ARHGAP24: variants seen among roughly 807,000 people sequenced by gnomAD.
ARHGAP24 encodes the protein Rho GTPase activating protein 24.
A neutral mutation model predicts 76.4 loss-of-function variants in ARHGAP24; 50 were observed. That is an observed-to-expected ratio of 0.65 (90% CI 0.52 to 0.83). The LOEUF is 0.83. ARHGAP24 is among the 40% of genes least tolerant of loss of function. The pLI, the probability that ARHGAP24 is intolerant of heterozygous loss-of-function variation, is 0.00. For synonymous variants in ARHGAP24, 345 were observed against 323.3 expected (o/e 1.07, Z -0.72); for missense variants, 930 against 914.2 (o/e 1.02, Z -0.22).
chr4:85,873,628 G>C (rs1732664545), intron 3 of ARHGAP24, among the ~76,000 whole-genome samples: 1 of 152,188 alleles, frequency 6.6e-6, no homozygotes, highest in Non-Finnish European at 1.5e-5. Context: ...CCCCGTTCTT[G>C]TCTGCTGCAT....
At chr4:85,628,141 G>A (rs936299680) in intron 2 of ARHGAP24, among the ~76,000 whole-genome samples, 1 of 152,198 alleles carries the variant, frequency 6.6e-6, no homozygotes. Flanking sequence ...AATTGGAAAT[G>A]CAGAAATCAC....
intron 3 of ARHGAP24, among the ~76,000 whole-genome samples, chr4:85,877,501 T>C (rs1306320948): frequency 1.1e-5 from 1 of 92,392 alleles, no homozygotes; most frequent in East Asian, 3.6e-4. Flanking sequence ...GACACACACT[T>C]GTAGTCCCAG....
At chr4:85,923,523 A>G (rs915964172) in intron 3 of ARHGAP24, 125 bp from the exon 4 acceptor site, 9 of 1,342,458 alleles carry the variant, frequency 6.7e-6, no homozygotes, top group African/African-American at 2.9e-5. Context: ...TAAATATTTC[A>G]TCATTGGGTA....
At chr4:85,721,068 A>G (rs1341544382) in intron 2 of ARHGAP24, among the ~76,000 whole-genome samples, 1 of 152,194 alleles carries the variant, frequency 6.6e-6, no homozygotes, top group Non-Finnish European at 1.5e-5. Context: ...TCAGCACTGA[A>G]TGAAATGATC....
intron 3 of ARHGAP24, among the ~76,000 whole-genome samples, chr4:85,767,935 G>T (rs1285470037): frequency 6.6e-6 from 1 of 152,138 alleles, no homozygotes; most frequent in Non-Finnish European, 1.5e-5. Context: ...CTTTGGAAAT[G>T]GTTGTTGGGG....
intron 3 of ARHGAP24, among the ~76,000 whole-genome samples, chr4:85,789,710 A>G (rs1441063699): frequency 1.3e-5 from 2 of 152,204 alleles, no homozygotes; most frequent in Non-Finnish European, 2.9e-5. Flanking sequence ...TCTTAGGGGA[A>G]TGGAGAAGTT....
chr4:85,625,165 G>A (rs1326092009), intron 2 of ARHGAP24, among the ~76,000 whole-genome samples: 2 of 152,028 alleles, frequency 1.3e-5, no homozygotes, highest in African/African-American at 2.4e-5. Flanking sequence ...TGTGATGTTA[G>A]GGTGTCAGTT....
At chr4:85,928,322 C>T (rs1736129910) in intron 4 of ARHGAP24, among the ~76,000 whole-genome samples, 1 of 152,028 alleles carries the variant, frequency 6.6e-6, no homozygotes, top group African/African-American at 2.4e-5. Flanking sequence ...CTCCTTCCCT[C>T]CTTTCCTCCC....
At chr4:85,565,987 C>T (rs1003491431) in intron 1 of ARHGAP24, among the ~76,000 whole-genome samples, 13 of 152,144 alleles carry the variant, frequency 8.5e-5, no homozygotes, top group African/African-American at 3.1e-4. Context: ...TTGTTGAAAC[C>T]AGTTTCCTCC....
At chr4:85,477,774 G>A (rs755624434) in intron 1 of ARHGAP24, among the ~76,000 whole-genome samples, 6 of 152,032 alleles carry the variant, frequency 3.9e-5, no homozygotes, top group Non-Finnish European at 8.8e-5. Context: ...TTTTCTTTCC[G>A]GCTCGATTAA....
intron 1 of ARHGAP24, among the ~76,000 whole-genome samples, chr4:85,483,872 G>A (rs1414430835): frequency 2.0e-5 from 3 of 152,166 alleles, no homozygotes; most frequent in African/African-American, 7.2e-5. Flanking sequence ...CCCAGGACCA[G>A]CCACTGCCTT....
At chr4:85,830,255 C>T (rs929419990) in intron 3 of ARHGAP24, among the ~76,000 whole-genome samples, 1 of 152,086 alleles carries the variant, frequency 6.6e-6, no homozygotes, top group Non-Finnish European at 1.5e-5. Context: ...TTGATGTATC[C>T]CTTGGGACCA....
intron 1 of ARHGAP24, among the ~76,000 whole-genome samples, chr4:85,522,932 T>C (rs531617480): frequency 2.1e-4 from 32 of 152,288 alleles, no homozygotes; most frequent in Admixed American, 1.8e-3. Flanking sequence ...CTCTGCTTAT[T>C]CAAACAATTC....
intron 5 of ARHGAP24, among the ~76,000 whole-genome samples, chr4:85,967,762 T>A (rs374813235): frequency 6.6e-6 from 1 of 152,136 alleles, no homozygotes; most frequent in African/African-American, 2.4e-5. Context: ...TGACTTTACG[T>A]TAGCAAATAG....
chr4:85,825,410 A>G (rs1030926801), intron 3 of ARHGAP24, among the ~76,000 whole-genome samples: 2 of 152,222 alleles, frequency 1.3e-5, no homozygotes, highest in Non-Finnish European at 2.9e-5. Flanking sequence ...GGAGAAAATT[A>G]TGGCTACTGT....
At chr4:85,808,512 T>C (rs1728883947) in intron 3 of ARHGAP24, among the ~76,000 whole-genome samples, 1 of 152,202 alleles carries the variant, frequency 6.6e-6, no homozygotes, top group South Asian at 2.1e-4. Flanking sequence ...CAGTTGCCGG[T>C]GTTCCTTAGC....
rs1741014397 is a variant in ARHGAP24 at position 86,001,471 on chromosome 4, G to C, written c.*749G>C. 2.5e-6 allele frequency: 1 copy of C among 398,610 alleles called. No homozygotes were observed. Among genetic ancestry groups the C allele is most frequent in the African/African-American group, 2.1e-5 (1 of 48,614 alleles). 24.7% of individuals were successfully genotyped at this position (398,610 alleles called of 1,614,324 possible). A position where few individuals can be genotyped will look rare whatever the true frequency, so the allele number is the denominator to read the frequency against. ...TCCTCAGTGCGTATCGCCAATGCAG[G>C]ATGCTCCTTAGAAAAGAAAAAATGG... On this transcript the variant is annotated 3_prime_UTR_variant, in exon 10 of 10. Coordinates refer to ENST00000395184, the MANE Select transcript of ARHGAP24 (RefSeq NM_001025616.3).
At chr4:85,515,363 C>G (rs1724455033) in intron 1 of ARHGAP24, among the ~76,000 whole-genome samples, 2 of 112,914 alleles carry the variant, frequency 1.8e-5, no homozygotes. Context: ...CCACTCTATG[C>G]AGGTAATCTT....
rs187646650 is a variant in ARHGAP24 at position 85,528,546 on chromosome 4, C to T, written c.-20-41976C>T. On this transcript the variant is annotated intron_variant, in intron 1 of 9. Transcript: ENST00000395184. ...TGTAATTCGGTTTTGATGGCAGTTGCGAGAATTAACCTTTCTGTATCTCAG... is the reference window on the plus strand; with the variant it reads ...TGTAATTCGGTTTTGATGGCAGTTGTGAGAATTAACCTTTCTGTATCTCAG... Among the ~76,000 whole-genome samples, 247 of 151,998 alleles carry T rather than the reference C, an allele frequency of 1.6e-3. 1 individual carries two copies. The highest frequency in any genetic ancestry group is 6.8e-3 in the Middle Eastern group (2 of 294).
Sources: allele counts gnomAD v4.1 joint callset (sites outside exome capture counted in the v4.1 genomes callset), GRCh38; gene constraint gnomAD v4.1.1; transcripts MANE v1.5; gene names NCBI Gene and HGNC (gene_info 2026-07-23, HGNC 2026-07-21).